TMEM132B: variants seen among roughly 807,000 people sequenced by gnomAD.
TMEM132B encodes the protein transmembrane protein 132B.
A neutral mutation model predicts 90.8 loss-of-function variants in TMEM132B; 18 were observed. The observed-to-expected ratio is 0.20, with a 90% CI of 0.14 to 0.29. The LOEUF (loss-of-function observed/expected upper bound fraction) is 0.29, where lower values mean the gene tolerates loss of function less well. TMEM132B is among the 10% of genes least tolerant of loss of function. TMEM132B has a pLI of 1.00. For missense variants in TMEM132B, 1,096 were observed against 1,326.8 expected (o/e 0.83, Z 2.70); for synonymous variants, 504 against 523.3 (o/e 0.96, Z 0.50).
chr12:125,212,226 G>A, intron 1 of TMEM132B, among the ~76,000 whole-genome samples: 1 of 152,090 alleles, frequency 6.6e-6, no homozygotes. Context: ...ATCATTTTTG[G>A]GCATGGAGAA....
rs1050592903 is a variant in TMEM132B, at chr12:125,653,489, A to G, written c.2107-76A>G. The stretch of plus-strand genomic sequence containing the variant: ...TTCTCCTTATATTTAAACAATTTAT[A>G]TAGGAAATTATACTTATGTTTTCAA... On this transcript the variant is annotated intron_variant, in intron 8 of 8. Coordinates refer to ENST00000682704, the MANE Select transcript of TMEM132B (RefSeq NM_001366854.1). 9 of 1,441,632 alleles carry G rather than the reference A, an allele frequency of 6.2e-6. No homozygotes were observed. The Admixed American group carries it at 6.7e-5, about 11-fold the overall frequency. 89.3% of individuals were successfully genotyped at this position (1,441,632 alleles called of 1,614,324 possible). A position where few individuals can be genotyped will look rare whatever the true frequency, so the allele number is the denominator to read the frequency against.
chr12:125,289,335 C>T (rs964490336), intron 1 of TMEM132B, among the ~76,000 whole-genome samples: 3 of 152,224 alleles, frequency 2.0e-5, no homozygotes, highest in Admixed American at 2.0e-4. Context: ...GCACAAGGCA[C>T]CCTTCTGGTG....
chr12:125,418,470 G>A (rs547334574), intron 3 of TMEM132B, among the ~76,000 whole-genome samples: 3 of 152,170 alleles, frequency 2.0e-5, no homozygotes, highest in South Asian at 2.1e-4. Context: ...ACCTAATCTC[G>A]CAAAATCCAT....
At chr12:125,334,805 C>A (rs1355217348) in intron 1 of TMEM132B, among the ~76,000 whole-genome samples, 1 of 152,246 alleles carries the variant, frequency 6.6e-6, no homozygotes, top group African/African-American at 2.4e-5. Flanking sequence ...CTGTGCCATG[C>A]ACGACCGTCT....
chr12:125,463,286 A>G (rs769675925), intron 3 of TMEM132B, among the ~76,000 whole-genome samples: 4 of 152,174 alleles, frequency 2.6e-5, no homozygotes, highest in African/African-American at 4.8e-5. Flanking sequence ...GAGACTGAGT[A>G]GGAACTCGCA....
At chr12:125,320,937 C>T (rs1876411409) in intron 1 of TMEM132B, among the ~76,000 whole-genome samples, 1 of 152,214 alleles carries the variant, frequency 6.6e-6, no homozygotes, top group Non-Finnish European at 1.5e-5. Context: ...GGTAGAACCT[C>T]ACCTGAGCTC....
At chr12:125,404,342 C>T (rs902411799) in intron 2 of TMEM132B, among the ~76,000 whole-genome samples, 2 of 151,974 alleles carry the variant, frequency 1.3e-5, no homozygotes, top group African/African-American at 4.8e-5. Flanking sequence ...TTTGCCTTTG[C>T]CTAGGGATGT....
intron 2 of TMEM132B, among the ~76,000 whole-genome samples, chr12:125,385,062 C>T (rs945451551): frequency 2.6e-5 from 4 of 152,206 alleles, no homozygotes; most frequent in African/African-American, 9.6e-5. Flanking sequence ...TTGTACAATT[C>T]CACATAAAAG....
chr12:125,571,400 G>A (rs1884791714), intron 4 of TMEM132B, among the ~76,000 whole-genome samples: 1 of 152,078 alleles, frequency 6.6e-6, no homozygotes. Flanking sequence ...CACTGTTGTT[G>A]GGCACTTTGT....
chr12:125,596,840 A>C (rs1885451239), intron 5 of TMEM132B, among the ~76,000 whole-genome samples: 1 of 152,220 alleles, frequency 6.6e-6, no homozygotes, highest in African/African-American at 2.4e-5. Context: ...CAAATATTTG[A>C]GTTACAGTCT....
intron 5 of TMEM132B, among the ~76,000 whole-genome samples, chr12:125,620,883 C>T (rs1886098592): frequency 6.6e-6 from 1 of 152,218 alleles, no homozygotes; most frequent in African/African-American, 2.4e-5. Flanking sequence ...TCCATTGCCT[C>T]CCACTGAGTC....
rs1432204282 is a variant in TMEM132B at position 125,659,624 on chromosome 12, T to G, written c.*4914T>G. 1 of 152,248 alleles carries G rather than the reference T, an allele frequency of 6.6e-6. No homozygotes were observed. Among genetic ancestry groups the G allele is most frequent in the Non-Finnish European group, 1.5e-5 (1 of 68,054 alleles). The allele number at this position is 152,248 out of a possible 1,614,324, so 9.4% of individuals were successfully genotyped here. On this transcript the variant is annotated 3_prime_UTR_variant, in exon 9 of 9. Coordinates refer to ENST00000682704, the MANE Select transcript of TMEM132B (RefSeq NM_001366854.1). ...TCTCTGTTGGTGTGTGTGTATTTCT[T>G]GAAACTGCAGAGTCATTTTTGGCAT...
chr12:125,190,622 G>A (rs1957793942), intron 1 of TMEM132B, among the ~76,000 whole-genome samples: 1 of 95,760 alleles, frequency 1.0e-5, no homozygotes, highest in African/African-American at 4.4e-5. Flanking sequence ...TGGTGATAGT[G>A]ATGGTGATGG....
chr12:125,431,088 T>C (rs1019917009), intron 3 of TMEM132B, among the ~76,000 whole-genome samples: 12 of 152,262 alleles, frequency 7.9e-5, no homozygotes, highest in Non-Finnish European at 1.5e-4. Flanking sequence ...TATATAGGAC[T>C]TCATAGGCTC....
chr12:125,227,977 C>T (rs1328964662), intron 1 of TMEM132B, among the ~76,000 whole-genome samples: 1 of 152,224 alleles, frequency 6.6e-6, no homozygotes, highest in African/African-American at 2.4e-5. Context: ...TGATAACGTA[C>T]CCTTTGTTGA....
At chr12:125,385,948 A>AT (rs753915318) in intron 2 of TMEM132B, among the ~76,000 whole-genome samples, 8 of 152,160 alleles carry the variant, frequency 5.3e-5, no homozygotes, top group Non-Finnish European at 7.4e-5. Context: ...TATGGTGGCC[A>AT]TTTTTTGTGA....
intron 1 of TMEM132B, among the ~76,000 whole-genome samples, chr12:125,285,954 G>T (rs1875342519): frequency 6.6e-6 from 1 of 152,136 alleles, no homozygotes; most frequent in Admixed American, 6.5e-5. Flanking sequence ...CCTGTGCAAG[G>T]GTAAGAGAGG....
chr12:125,649,403 G>C (rs1369514753), intron 6 of TMEM132B, among the ~76,000 whole-genome samples: 2 of 152,230 alleles, frequency 1.3e-5, no homozygotes, highest in African/African-American at 2.4e-5. Flanking sequence ...GGACACACAT[G>C]ATGGGGCAGC....
chr12:125,328,323 G>T (rs1236718819), intron 1 of TMEM132B, among the ~76,000 whole-genome samples: 1 of 152,188 alleles, frequency 6.6e-6, no homozygotes, highest in Non-Finnish European at 1.5e-5. Flanking sequence ...GCTGCAGCAG[G>T]GTTCTGTGTT....
Sources: gnomAD v4.1 joint callset for allele counts (sites outside exome capture counted in the v4.1 genomes callset) on GRCh38, gnomAD v4.1.1 for gene constraint, MANE v1.5 for transcripts, NCBI Gene and HGNC (gene_info 2026-07-23, HGNC 2026-07-21) for gene names.